The following KCTD1 variants were observed in gnomAD, a reference collection of about 807,000 sequenced individuals.
KCTD1 encodes the protein potassium channel tetramerization domain containing 1.
KCTD1 carries 24 observed loss-of-function variants against 66.0 expected under a neutral mutation model. That is an observed-to-expected ratio of 0.36 (90% CI 0.26 to 0.51). The LOEUF is 0.51. Among genes scored for constraint, KCTD1 ranks in the 20% least tolerant of loss-of-function variants. The pLI, the probability that KCTD1 is intolerant of heterozygous loss-of-function variation, is 0.95. For missense variants in KCTD1, 943 were observed against 1,205.2 expected (o/e 0.78, Z 3.22); for synonymous variants, 511 against 517.2 (o/e 0.99, Z 0.16).
At chr18:26,612,606 C>T (rs1987160423) in intron 1 of KCTD1, among the ~76,000 whole-genome samples, 1 of 152,180 alleles carries the variant, frequency 6.6e-6, no homozygotes, top group South Asian at 2.1e-4. Context: ...ATGGAACAGA[C>T]TCTCCCTCAC....
chr18:26,619,367 T>C (rs905700398), intron 1 of KCTD1, among the ~76,000 whole-genome samples: 1 of 152,156 alleles, frequency 6.6e-6, no homozygotes, highest in Non-Finnish European at 1.5e-5. Context: ...AATAGAAAAG[T>C]AAAAAGAAGA....
chr18:26,576,758 A>G (rs966281653), intron 1 of KCTD1, among the ~76,000 whole-genome samples: 3 of 152,250 alleles, frequency 2.0e-5, no homozygotes, highest in African/African-American at 7.2e-5. Flanking sequence ...TACTTAATAT[A>G]TAACACATTC....
At chr18:26,632,069 C>CA (rs987430327), upstream of KCTD1, among the ~76,000 whole-genome samples, 86 of 131,102 alleles carry the variant, frequency 6.6e-4, no homozygotes, top group Middle Eastern at 4.4e-3. Flanking sequence ...AAACAAACAA[C>CA]AAAAAAAAAC....
At chr18:26,596,050 A>T (rs1986758327) in intron 1 of KCTD1, among the ~76,000 whole-genome samples, 1 of 152,204 alleles carries the variant, frequency 6.6e-6, no homozygotes, top group Non-Finnish European at 1.5e-5. Context: ...TTGTCTCAAA[A>T]GAAAAATTAA....
chr18:26,547,634 G>A lies in KCTD1; in HGVS notation c.903C>T (p.Asn301=). The A allele has an allele frequency of 6.4e-7, 1 of 1,551,630 alleles. No homozygotes were observed. The highest frequency in any genetic ancestry group is 8.7e-7 in the Non-Finnish European group (1 of 1,146,956). The change falls in exon 1 of 5, where the codon AAC becomes AAT. Residue 301 remains asparagine (N), a synonymous_variant. Coordinates refer to ENST00000580059, the MANE Select transcript of KCTD1 (RefSeq NM_001142730.3). ...KLYTSSVFST[N]TPFGLLNKVW... is the part of the protein sequence containing the mutation. ...CCTTGTTGAGCAGCCCGAAGGGCGT[G>A]TTGGTGCTGAAGACGCTGGAGGTGT...
At chr18:26,570,332 A>G (rs191708741) in intron 1 of KCTD1, among the ~76,000 whole-genome samples, 337 of 152,110 alleles carry the variant, frequency 2.2e-3, no homozygotes, top group African/African-American at 8.0e-3. Context: ...TTGTCCGAGG[A>G]TGTTCCAGCC....
At position 26,566,064 on chromosome 18, in the gene KCTD1, T is replaced by C. The variant is rs372180104; in HGVS notation, c.-16+63083A>G. 1.1e-4 allele frequency: 17 copies of C among 152,308 alleles called. No individual in the cohort carries two copies. The East Asian group carries it at 2.7e-3, about 24-fold the overall frequency. The allele number at this position is 152,308 out of a possible 1,614,324, so 9.4% of individuals were successfully genotyped here. On this transcript the variant is annotated intron_variant, in intron 1 of 4. Transcript: ENST00000317932. ...TGGGATTCATTGTATCCAGGCATTATGTTCAGTGCCTAACACAGACCCTAG... is the reference window on the plus strand; with the variant it reads ...TGGGATTCATTGTATCCAGGCATTACGTTCAGTGCCTAACACAGACCCTAG...
chr18:26,648,194 T>C lies in KCTD1; in HGVS notation c.9+9166A>G, dbSNP rs535008902. On this transcript the variant is annotated intron_variant, in intron 1 of 4. Coordinates refer to the KCTD1 transcript ENST00000580191. ...CTCTTCATCAAATGATGATGGTGAC[T>C]CTTAGGAGGAGAAAGCAGCGCTATA... Among the ~76,000 whole-genome samples the C allele has an allele frequency of 5.3e-5, 8 of 152,290 alleles. No individual in the cohort carries two copies. The South Asian group carries it at 6.2e-4, about 12-fold the overall frequency.
At chr18:26,611,057 T>G (rs73944656) in intron 1 of KCTD1, among the ~76,000 whole-genome samples, 3,390 of 152,312 alleles carry the variant, frequency 0.022, 134 homozygotes, top group African/African-American at 0.077. Context: ...TCTGGCTCTC[T>G]CTCTCTCCTT....
intron 1 of KCTD1, among the ~76,000 whole-genome samples, chr18:26,573,874 T>C (rs1375012389): frequency 1.3e-5 from 2 of 152,226 alleles, no homozygotes; most frequent in Non-Finnish European, 2.9e-5. Context: ...GTGAAAGTCG[T>C]GAGAAGTTTT....
At chr18:26,457,511 T>TTTTC (rs1370637206) in intron 4 of KCTD1, 2 of 152,122 alleles carry the variant, frequency 1.3e-5, no homozygotes, top group East Asian at 1.9e-4. Flanking sequence ...TGATGTCCAT[T>TTTTC]TTTCTTTGAG....
intron 3 of KCTD1, chr18:26,460,742 C>A (rs911805621): frequency 2.0e-4 from 30 of 152,290 alleles, no homozygotes; most frequent in African/African-American, 7.2e-4. Flanking sequence ...TCCTTTCCTC[C>A]AGCCTTAAAA....
At chr18:26,590,233 G>A (rs1250437365) in intron 1 of KCTD1, among the ~76,000 whole-genome samples, 1 of 151,876 alleles carries the variant, frequency 6.6e-6, no homozygotes, top group Non-Finnish European at 1.5e-5. Context: ...ACAGGCACAT[G>A]GCACCACACC....
intron 1 of KCTD1, among the ~76,000 whole-genome samples, chr18:26,506,847 C>A (rs1380751689): frequency 6.6e-6 from 1 of 152,174 alleles, no homozygotes; most frequent in African/African-American, 2.4e-5. Flanking sequence ...GGAACTGAAT[C>A]TTTAATTTTA....
chr18:26,642,937 A>G (rs1473532842), upstream of KCTD1, among the ~76,000 whole-genome samples: 1 of 152,152 alleles, frequency 6.6e-6, no homozygotes, highest in Non-Finnish European at 1.5e-5. Context: ...AGGGGCGTGC[A>G]CTGGCGTGAG....
At chr18:26,513,149 G>A (rs1313607583) in intron 1 of KCTD1, among the ~76,000 whole-genome samples, 2 of 147,908 alleles carry the variant, frequency 1.4e-5, no homozygotes, top group Non-Finnish European at 3.0e-5. Flanking sequence ...GTGCAATGGC[G>A]CCATCTCGGT....
At position 26,459,863 on chromosome 18, in the gene KCTD1, C is replaced by T; in HGVS notation, c.2196G>A (p.Met732Ile). 1 of 1,613,098 alleles carries T rather than the reference C, an allele frequency of 6.2e-7. No homozygotes were observed. The highest frequency in any genetic ancestry group is 8.5e-7 in the Non-Finnish European group (1 of 1,179,272). The change falls in exon 4 of 5, where the codon ATG becomes ATA. Residue 732 changes from methionine to isoleucine, a missense_variant. Physicochemically the swap from Met to Ile is conservative, Grantham distance 10. Coordinates refer to ENST00000580059, the MANE Select transcript of KCTD1 (RefSeq NM_001142730.3). ...TTTCTCTGTCCTGCTTCCATCTTTC[C>T]ATCTCCAACAACATGGGCTGAAGCT... is the stretch of plus-strand genomic sequence containing the variant. ...YFQLQPMLLE[M>I]ERWKQDRETG...
At chr18:26,601,326 T>TAAAAAAAAAAAA (rs61521451) in intron 1 of KCTD1, among the ~76,000 whole-genome samples, 7 of 93,244 alleles carry the variant, frequency 7.5e-5, no homozygotes, top group African/African-American at 1.7e-4. Context: ...TGTTCATTGG[T>TAAAAAAAAAAAA]AAAAAAAAAA....
chr18:26,588,610 T>C (rs1986523873), intron 1 of KCTD1, among the ~76,000 whole-genome samples: 1 of 152,166 alleles, frequency 6.6e-6, no homozygotes. Flanking sequence ...AGGTAGCTGG[T>C]GTGTGTGACA....
Sources: allele counts gnomAD v4.1 joint callset (sites outside exome capture counted in the v4.1 genomes callset), GRCh38; gene constraint gnomAD v4.1.1; transcripts MANE v1.5; gene names NCBI Gene and HGNC (gene_info 2026-07-23, HGNC 2026-07-21).